The following ITSN2 variants were observed in gnomAD, a reference collection of about 807,000 sequenced individuals.
ITSN2 encodes intersectin-2.
Under a neutral mutation model 243.7 loss-of-function variants are expected in ITSN2, and 156 were observed. That is an observed-to-expected ratio of 0.64 (90% CI 0.56 to 0.73). The LOEUF (loss-of-function observed/expected upper bound fraction) is 0.73, where lower values mean the gene tolerates loss of function less well. ITSN2 is among the 30% of genes least tolerant of loss of function. ITSN2 has a pLI of 0.00. For missense variants in ITSN2, 1,801 were observed against 1,996.1 expected (o/e 0.90, Z 1.86); for synonymous variants, 703 against 699.9 (o/e 1.00, Z -0.07).
At position 24,290,628 on chromosome 2, in the gene ITSN2, T is replaced by G. The variant is rs1050094096; in HGVS notation, c.1723+3060A>C. ...TTTATGTTTAGCCTCCTAATTTATCTAGAATTTATTTCTGTACATAGAGAG... is the reference window on the plus strand; with the variant it reads ...TTTATGTTTAGCCTCCTAATTTATCGAGAATTTATTTCTGTACATAGAGAG... On this transcript the variant is annotated intron_variant, in intron 15 of 39. Transcript: ENST00000355123. 2.0e-5 allele frequency among the ~76,000 whole-genome samples: 3 copies of G among 152,138 alleles called. No individual in the cohort carries two copies. The East Asian group carries it at 5.8e-4, about 29-fold the overall frequency.
chr2:24,251,328 A>AAAAAAAAAAAAAT (rs1358585681), intron 25 of ITSN2, among the ~76,000 whole-genome samples: 2 of 6,990 alleles, frequency 2.9e-4, no homozygotes, highest in African/African-American at 9.0e-4. Context: ...AAAAAAATAA[A>AAAAAAAAAAAAAT]ATATATATAT....
intron 25 of ITSN2, among the ~76,000 whole-genome samples, chr2:24,250,375 T>C (rs1436481507): frequency 6.6e-6 from 1 of 152,178 alleles, no homozygotes; most frequent in Non-Finnish European, 1.5e-5. Context: ...AAATTCAAGA[T>C]TTCCAGGGAA....
In ITSN2 at chr2:24,310,706, A is replaced by G; in HGVS notation, c.353-14T>C. ...TGCTTCCCATTCCTAAAGTCAAAAGAAAACATTTTTTCCAGTGCTAGAAAA... is the reference window on the plus strand; with the variant it reads ...TGCTTCCCATTCCTAAAGTCAAAAGGAAACATTTTTTCCAGTGCTAGAAAA... On this transcript the variant is annotated splice_polypyrimidine_tract_variant and intron_variant, in intron 5 of 39. Transcript: ENST00000355123. 6.2e-7 allele frequency: 1 copy of G among 1,611,142 alleles called. No individual in the cohort carries two copies. The highest frequency in any genetic ancestry group is 1.1e-5 in the South Asian group (1 of 90,926).
chr2:24,304,533 CTG>C (rs1393594200), intron 8 of ITSN2, among the ~76,000 whole-genome samples: 2 of 152,008 alleles, frequency 1.3e-5, no homozygotes. Context: ...CATAAAAACA[CTG>C]GAAATTAAAC....
chr2:24,246,918 T>C (rs201789651), intron 27 of ITSN2, 25 bp from the exon 28 acceptor site: 44 of 1,406,630 alleles, frequency 3.1e-5, no homozygotes, highest in Non-Finnish European at 1.5e-5. Context: ...AAGAAATACA[T>C]AATTGAAAGA....
chr2:24,310,840 A>G, intron 5 of ITSN2, 148 bp from the exon 6 acceptor site: 2 of 652,256 alleles, frequency 3.1e-6, no homozygotes, highest in East Asian at 2.7e-5. Flanking sequence ...ACTTTGACCC[A>G]GCAGTGAGGG....
At chr2:24,206,329 G>A (rs1306126714) in intron 37 of ITSN2, 1 of 395,946 alleles carries the variant, frequency 2.5e-6, no homozygotes, top group South Asian at 1.9e-5. Flanking sequence ...GAAGCTGGTG[G>A]GAGGCCCAGG....
At chr2:24,343,244 T>C (rs940465999) in intron 1 of ITSN2, among the ~76,000 whole-genome samples, 1 of 152,000 alleles carries the variant, frequency 6.6e-6, no homozygotes, top group African/African-American at 2.4e-5. Flanking sequence ...AAAAAATATA[T>C]ATATAATAGA....
Position 24,225,615 on chromosome 2 carries a change from C to T in ITSN2, c.3578-4549G>A, listed in dbSNP as rs1029130242. On this transcript the variant is annotated intron_variant, in intron 29 of 39. Coordinates refer to ENST00000355123, the MANE Select transcript of ITSN2 (RefSeq NM_006277.3). The surrounding 1 kb of genome is among the most constrained non-coding windows in gnomAD (Gnocchi z 4.2). ...CTTCTGCCTCTTGCCTGCTGCCTGG[C>T]TCTCTGCTCCCCCCAGTCCAGCAAA... 2.0e-5 allele frequency among the ~76,000 whole-genome samples: 3 copies of T among 152,142 alleles called. No individual in the cohort carries two copies. The highest frequency in any genetic ancestry group is 1.9e-4 in the East Asian group (1 of 5,190).
At chr2:24,250,442 T>C (rs768669080) in intron 25 of ITSN2, among the ~76,000 whole-genome samples, 5 of 152,218 alleles carry the variant, frequency 3.3e-5, no homozygotes, top group Non-Finnish European at 5.9e-5. Flanking sequence ...TTTCCTAGTA[T>C]TGAAAAACTT....
intron 14 of ITSN2, among the ~76,000 whole-genome samples, chr2:24,294,290 G>A (rs751040898): frequency 1.3e-5 from 2 of 152,222 alleles, no homozygotes; most frequent in Admixed American, 6.5e-5. Context: ...GCCAGGCGTG[G>A]TGGTGGGTGC....
At chr2:24,271,030 A>G (rs777596693) in intron 19 of ITSN2, among the ~76,000 whole-genome samples, 1 of 152,188 alleles carries the variant, frequency 6.6e-6, no homozygotes, top group Non-Finnish European at 1.5e-5. Context: ...ATGGGTAGAA[A>G]GGAAAGTGCA....
intron 29 of ITSN2, among the ~76,000 whole-genome samples, chr2:24,228,265 G>A (rs1338928656): frequency 6.6e-6 from 1 of 152,130 alleles, no homozygotes; most frequent in Non-Finnish European, 1.5e-5. Flanking sequence ...AATCACAGAT[G>A]ACAGAGAAAT....
intron 15 of ITSN2, among the ~76,000 whole-genome samples, chr2:24,289,068 T>C (rs932177367): frequency 6.6e-6 from 1 of 152,190 alleles, no homozygotes; most frequent in Admixed American, 6.6e-5. Flanking sequence ...TCCAACTTTG[T>C]TTTTCTTTCT....
rs1304321802 is a variant in ITSN2 at position 24,203,354 on chromosome 2, C to T, written c.*272G>A. The stretch of plus-strand genomic sequence containing the variant: ...ATTTCCAAGTAATACTTTTTATAGC[C>T]CTGAAAATGGAAACCTTGGCATCTA... On this transcript the variant is annotated 3_prime_UTR_variant, in exon 40 of 40. Coordinates refer to ENST00000355123, the MANE Select transcript of ITSN2 (RefSeq NM_006277.3). The T allele has an allele frequency of 3.2e-6, 1 of 313,168 alleles. No individual in the cohort carries two copies. The highest frequency in any genetic ancestry group is 2.1e-5 in the African/African-American group (1 of 47,800). 19.4% of individuals were successfully genotyped at this position (313,168 alleles called of 1,614,324 possible).
chr2:24,329,716 CA>C (rs1685565240), intron 1 of ITSN2, among the ~76,000 whole-genome samples: 1 of 152,078 alleles, frequency 6.6e-6, no homozygotes, highest in African/African-American at 2.4e-5. Context: ...TCTATTTACC[CA>C]AATCATTTAA....
intron 29 of ITSN2, chr2:24,239,809 A>G (rs1672530368): frequency 6.6e-6 from 1 of 152,146 alleles, no homozygotes; most frequent in Non-Finnish European, 1.5e-5. Flanking sequence ...ATTATGTCAT[A>G]TGATTTCCAT....
intron 8 of ITSN2, among the ~76,000 whole-genome samples, chr2:24,307,554 C>A (rs1682712653): frequency 6.6e-6 from 1 of 152,192 alleles, no homozygotes; most frequent in African/African-American, 2.4e-5. Flanking sequence ...TATCCGTGTT[C>A]CTTGACTTAT....
At chr2:24,228,338 T>C (rs1671244311) in intron 29 of ITSN2, among the ~76,000 whole-genome samples, 1 of 151,936 alleles carries the variant, frequency 6.6e-6, no homozygotes, top group African/African-American at 2.4e-5. Context: ...GGAAAAACTA[T>C]TAAAAGACGT....
Sources: gnomAD v4.1 joint callset for allele counts (sites outside exome capture counted in the v4.1 genomes callset) on GRCh38, gnomAD v4.1.1 for gene constraint, Gnocchi (gnomAD v3.1) non-coding constraint, MANE v1.5 for transcripts, NCBI Gene and HGNC (gene_info 2026-07-23, HGNC 2026-07-21) for gene names.